The following HTR2C variants were observed in gnomAD, a reference collection of about 807,000 sequenced individuals.
HTR2C encodes the protein 5-hydroxytryptamine receptor 2C.
HTR2C carries 5 observed loss-of-function variants against 21.0 expected under a neutral mutation model. That is an observed-to-expected ratio of 0.24 (90% CI 0.12 to 0.50). The LOEUF (loss-of-function observed/expected upper bound fraction) is 0.50, where lower values mean the gene tolerates loss of function less well. HTR2C is among the 20% of genes least tolerant of loss of function. The pLI is 0.98. For missense variants in HTR2C, 271 were observed against 371.2 expected, an observed-to-expected ratio of 0.73 and a Z score of 2.22; for synonymous variants, 150 against 145.3, an observed-to-expected ratio of 1.03 and a Z score of -0.23.
rs782088263 is a variant in HTR2C, at chrX:114,806,408, C to CTA, written c.350-41595_350-41594insTA. ...TATATATATACTGTATATATATACA[C>CTA]CATATATATATACTGTATATATATA... On this transcript the variant is annotated intron_variant, in intron 4 of 5. Coordinates refer to ENST00000276198, the MANE Select transcript of HTR2C (RefSeq NM_000868.4). Among the ~76,000 whole-genome samples the CTA allele has an allele frequency of 1.2e-4, 7 of 58,375 alleles. No individual in the cohort carries two copies. The East Asian group carries it at 3.9e-3, about 33-fold the overall frequency. The allele number at this position is 58,375 out of a possible 115,157, so 50.7% of individuals were successfully genotyped here. A position where few individuals can be genotyped will look rare whatever the true frequency, so the allele number is the denominator to read the frequency against.
chrX:114,595,458 C>T (rs1397625864), intron 1 of HTR2C, among the ~76,000 whole-genome samples: 2 of 109,817 alleles, frequency 1.8e-5, no homozygotes, highest in Non-Finnish European at 3.8e-5. Context: ...CACTCCTGGT[C>T]TCAATCATCC....
chrX:114,597,934 T>A (rs1382331553), intron 1 of HTR2C, among the ~76,000 whole-genome samples: 1 of 111,944 alleles, frequency 8.9e-6, no homozygotes, highest in African/African-American at 3.2e-5. Flanking sequence ...TTCTCAGGTT[T>A]TCCCCAACTT....
chrX:114,646,776 T>A (rs1255121249), intron 2 of HTR2C, among the ~76,000 whole-genome samples: 1 of 112,288 alleles, frequency 8.9e-6, no homozygotes, highest in East Asian at 2.8e-4. Flanking sequence ...TTTCTTCCAG[T>A]AGTTTTACAG....
chrX:114,765,588 A>G (rs1271316857), intron 4 of HTR2C, among the ~76,000 whole-genome samples: 1 of 110,858 alleles, frequency 9.0e-6, no homozygotes, highest in African/African-American at 3.3e-5. Context: ...TGAACATACT[A>G]TGTTCCTGAA....
chrX:114,757,372 AT>A (rs1189599353), intron 4 of HTR2C, among the ~76,000 whole-genome samples: 2 of 111,824 alleles, frequency 1.8e-5, no homozygotes, highest in Non-Finnish European at 3.8e-5. Flanking sequence ...TAGAATTGTA[AT>A]TTTTTTGTCA....
chrX:114,744,297 A>T (rs1556425740), intron 4 of HTR2C, among the ~76,000 whole-genome samples: 2 of 108,264 alleles, frequency 1.8e-5, no homozygotes, highest in Non-Finnish European at 3.8e-5. Flanking sequence ...GACGGTCTCA[A>T]ATCAGTAATC....
chrX:114,819,970 T>C (rs782369913), intron 4 of HTR2C, among the ~76,000 whole-genome samples: 1 of 111,058 alleles, frequency 9.0e-6, no homozygotes, highest in South Asian at 3.8e-4. Flanking sequence ...ACATAGAGTC[T>C]GTTCTGTCAG....
chrX:114,839,342 G>A (rs1766383855), intron 4 of HTR2C, among the ~76,000 whole-genome samples: 1 of 112,070 alleles, frequency 8.9e-6, no homozygotes, highest in Admixed American at 9.5e-5. Flanking sequence ...AGCTTAAGAG[G>A]AAGATGCAAT....
At chrX:114,810,896 C>T (rs1556452578) in intron 4 of HTR2C, among the ~76,000 whole-genome samples, 1 of 110,816 alleles carries the variant, frequency 9.0e-6, no homozygotes, top group Non-Finnish European at 1.9e-5. Context: ...TTGTACCCCT[C>T]ACACCAAAGT....
intron 1 of HTR2C, among the ~76,000 whole-genome samples, chrX:114,585,327 A>G (rs1435695519): frequency 9.0e-6 from 1 of 111,602 alleles, no homozygotes; most frequent in Non-Finnish European, 1.9e-5. Context: ...GTGATCACGT[A>G]AGCTTAAGAG....
At chrX:114,857,491 T>G (rs934056886) in intron 5 of HTR2C, among the ~76,000 whole-genome samples, 14 of 111,331 alleles carry the variant, frequency 1.3e-4, no homozygotes, top group Non-Finnish European at 2.3e-4. Flanking sequence ...AATTCCCTAC[T>G]GACTCATAAT....
chrX:114,721,460 T>G (rs1478128285), intron 2 of HTR2C, among the ~76,000 whole-genome samples: 1 of 93,053 alleles, frequency 1.1e-5, no homozygotes, highest in Non-Finnish European at 2.1e-5. Context: ...TCTCCCATTT[T>G]GTAGGTTGCC....
chrX:114,727,401 C>T (rs782374524), intron 3 of HTR2C, among the ~76,000 whole-genome samples: 3 of 111,246 alleles, frequency 2.7e-5, no homozygotes, highest in Admixed American at 9.6e-5. Flanking sequence ...TAGGGCTTGG[C>T]GATGTAGCTG....
At chrX:114,723,998 T>G (rs1254626798) in intron 2 of HTR2C, among the ~76,000 whole-genome samples, 1 of 100,624 alleles carries the variant, frequency 9.9e-6, no homozygotes, top group Non-Finnish European at 2.0e-5. Flanking sequence ...TTCTGTTGAT[T>G]TGGGGTGGAG....
intron 4 of HTR2C, among the ~76,000 whole-genome samples, chrX:114,790,109 T>C (rs2070217193): frequency 8.9e-6 from 1 of 111,845 alleles, no homozygotes; most frequent in Non-Finnish European, 1.9e-5. Flanking sequence ...GGTTGAGTAG[T>C]TTGTGAGAGA....
chrX:114,669,841 TACA>T (rs1446735020), intron 2 of HTR2C, among the ~76,000 whole-genome samples: 4 of 112,755 alleles, frequency 3.5e-5, no homozygotes, highest in Non-Finnish European at 7.5e-5. Context: ...ACTGTCTCCA[TACA>T]ACAACTATTT....
chrX:114,727,538 A>T (rs1460783993), intron 3 of HTR2C, among the ~76,000 whole-genome samples: 1 of 111,914 alleles, frequency 8.9e-6, no homozygotes. Context: ...TCTAAATTTG[A>T]TCTAATCCAG....
chrX:114,653,971 A>G (rs1369230066), intron 2 of HTR2C, among the ~76,000 whole-genome samples: 1 of 110,258 alleles, frequency 9.1e-6, no homozygotes, highest in East Asian at 2.8e-4. Context: ...TGTCTGTCTC[A>G]TACTCCTTCA....
At chrX:114,601,921 T>G (rs1200457325) in intron 1 of HTR2C, among the ~76,000 whole-genome samples, 2 of 95,255 alleles carry the variant, frequency 2.1e-5, no homozygotes, top group African/African-American at 4.0e-5. Flanking sequence ...TAAGGGGTGA[T>G]ATTGTGGGGA....
Sources: gnomAD v4.1 joint callset for allele counts (sites outside exome capture counted in the v4.1 genomes callset) on GRCh38, gnomAD v4.1.1 for gene constraint, MANE v1.5 for transcripts, NCBI Gene and HGNC (gene_info 2026-07-23, HGNC 2026-07-21) for gene names.